SORCS1: variants seen among roughly 807,000 people sequenced by gnomAD.
SORCS1 encodes the protein sortilin related VPS10 domain containing receptor 1.
In SORCS1, 60 loss-of-function variants were observed where a neutral mutation model predicts 146.1. The ratio of observed to expected loss-of-function variants is 0.41; its 90% confidence interval spans 0.33 to 0.51. The LOEUF (loss-of-function observed/expected upper bound fraction) is 0.51. Among genes scored for constraint, SORCS1 ranks in the 20% least tolerant of loss-of-function variants. SORCS1 has a pLI of 0.21. For missense variants in SORCS1, 1,352 were observed against 1,487.6 expected (o/e 0.91, Z 1.50); for synonymous variants, 637 against 584.0 (o/e 1.09, Z -1.31).
chr10:106,748,305 T>C (rs559392323), intron 5 of SORCS1, among the ~76,000 whole-genome samples: 27 of 152,334 alleles, frequency 1.8e-4, no homozygotes, highest in African/African-American at 6.3e-4. Flanking sequence ...AACTTTTTCA[T>C]GATTATAACA....
intron 3 of SORCS1, among the ~76,000 whole-genome samples, chr10:106,784,482 T>G (rs1408255794): frequency 1.3e-5 from 2 of 152,108 alleles, no homozygotes; most frequent in Admixed American, 6.5e-5. Context: ...GCAGTCACTA[T>G]GAGAACTAAT....
intron 3 of SORCS1, among the ~76,000 whole-genome samples, chr10:106,820,718 T>C (rs1017379053): frequency 6.6e-6 from 1 of 152,206 alleles, no homozygotes; most frequent in African/African-American, 2.4e-5. Flanking sequence ...TTCATCTCCA[T>C]CCATCTTATA....
chr10:106,904,091 G>A, intron 2 of SORCS1, among the ~76,000 whole-genome samples: 1 of 152,202 alleles, frequency 6.6e-6, no homozygotes, highest in East Asian at 1.9e-4. Context: ...AGTTGCTACT[G>A]AAATCATAGA....
intron 1 of SORCS1, among the ~76,000 whole-genome samples, chr10:106,989,795 T>C (rs1241915002): frequency 6.8e-6 from 1 of 148,108 alleles, no homozygotes; most frequent in African/African-American, 2.5e-5. Context: ...CATGCCATTC[T>C]CCCACCTCAG....
chr10:106,744,082 T>G (rs1857547811), intron 5 of SORCS1, among the ~76,000 whole-genome samples: 1 of 152,144 alleles, frequency 6.6e-6, no homozygotes, highest in Non-Finnish European at 1.5e-5. Context: ...ATTGGTAATA[T>G]CTATCGTTTT....
intron 1 of SORCS1, among the ~76,000 whole-genome samples, chr10:107,065,415 T>TTTTCTTTCTTTCTTTCTTTCTTTC (rs151043663): frequency 0.039 from 4,651 of 120,120 alleles, 223 homozygotes; most frequent in South Asian, 0.044. Context: ...TCTCTCTTTC[T>TTTTCTTTCTTTCTTTCTTTCTTTC]TTTCTTTCTT....
chr10:106,898,030 G>T (rs1402905772), intron 2 of SORCS1, among the ~76,000 whole-genome samples: 1 of 152,214 alleles, frequency 6.6e-6, no homozygotes, highest in Admixed American at 6.5e-5. Context: ...AGTGAAAACA[G>T]CCAGAGTGGA....
intron 24 of SORCS1, among the ~76,000 whole-genome samples, chr10:106,596,548 CCTT>C (rs778435649): frequency 6.6e-5 from 10 of 152,146 alleles, no homozygotes; most frequent in Non-Finnish European, 1.3e-4. Context: ...CTCACCACCA[CCTT>C]CTCAGTTGAA....
chr10:106,871,636 C>G (rs983177895), intron 2 of SORCS1, among the ~76,000 whole-genome samples: 3 of 152,130 alleles, frequency 2.0e-5, no homozygotes, highest in Non-Finnish European at 4.4e-5. Flanking sequence ...GAAACTAACA[C>G]AAGAACAGAA....
chr10:106,843,495 G>A (rs566607559), intron 2 of SORCS1, among the ~76,000 whole-genome samples: 92 of 147,088 alleles, frequency 6.3e-4, no homozygotes, highest in African/African-American at 2.1e-3. Context: ...GCAGTGGCGC[G>A]ATCTCGGCTC....
intron 4 of SORCS1, among the ~76,000 whole-genome samples, chr10:106,769,439 C>G (rs1021874208): frequency 6.9e-6 from 1 of 145,976 alleles, no homozygotes; most frequent in Admixed American, 6.9e-5. Flanking sequence ...GAGCTGAGAT[C>G]GCGCCATTGC....
intron 2 of SORCS1, among the ~76,000 whole-genome samples, chr10:106,888,386 C>T (rs1257536640): frequency 6.6e-6 from 1 of 151,944 alleles, no homozygotes; most frequent in Non-Finnish European, 1.5e-5. Flanking sequence ...ATGATAGAAA[C>T]AGCACTGGAA....
chr10:106,993,804 T>C (rs1291852119), intron 1 of SORCS1, among the ~76,000 whole-genome samples: 1 of 152,088 alleles, frequency 6.6e-6, no homozygotes, highest in Non-Finnish European at 1.5e-5. Context: ...CCAGGTGCCG[T>C]AGTTCATGCC....
intron 2 of SORCS1, among the ~76,000 whole-genome samples, chr10:106,940,095 C>A (rs368659452): frequency 6.6e-6 from 1 of 152,184 alleles, no homozygotes; most frequent in African/African-American, 2.4e-5. Flanking sequence ...CCAGCACTCA[C>A]GAAAGCATCA....
At chr10:106,787,049 G>C (rs1465282835) in intron 3 of SORCS1, among the ~76,000 whole-genome samples, 1 of 152,168 alleles carries the variant, frequency 6.6e-6, no homozygotes, top group Admixed American at 6.5e-5. Flanking sequence ...AAATTACCCA[G>C]ATTAAATTAT....
At chr10:106,956,289 A>G (rs1008446136) in intron 2 of SORCS1, among the ~76,000 whole-genome samples, 3 of 152,216 alleles carry the variant, frequency 2.0e-5, no homozygotes, top group Admixed American at 6.5e-5. Context: ...CAGGTTAGCA[A>G]AAGAATCTGG....
At chr10:107,100,998 G>C (rs142581421) in intron 1 of SORCS1, among the ~76,000 whole-genome samples, 29 of 152,286 alleles carry the variant, frequency 1.9e-4, no homozygotes, top group African/African-American at 5.1e-4. Flanking sequence ...GGACTCAAGA[G>C]ATCCTCCCTC....
intron 2 of SORCS1, among the ~76,000 whole-genome samples, chr10:106,933,605 AATG>A: frequency 6.6e-6 from 1 of 152,256 alleles, no homozygotes; most frequent in Non-Finnish European, 1.5e-5. Context: ...AGTGAAACAC[AATG>A]ATATCTGAAC....
chr10:106,896,707 C>T lies in SORCS1; in HGVS notation c.626+59806G>A, dbSNP rs545809093. Among the ~76,000 whole-genome samples the T allele has an allele frequency of 6.6e-5, 10 of 151,428 alleles. No individual in the cohort carries two copies. In the South Asian group the frequency reaches 2.1e-3, roughly 32 times the overall value. On this transcript the variant is annotated intron_variant, in intron 2 of 25. Coordinates refer to ENST00000263054, the MANE Select transcript of SORCS1 (RefSeq NM_052918.5). Reference sequence around the variant, plus strand: ...AATGAACTTTGACACACTAGATCCACTCTCCCTGGAAACTTTCCCCAACTA... The same window carrying T: ...AATGAACTTTGACACACTAGATCCATTCTCCCTGGAAACTTTCCCCAACTA...
Sources: gnomAD v4.1 joint callset for allele counts (sites outside exome capture counted in the v4.1 genomes callset) on GRCh38, gnomAD v4.1.1 for gene constraint, MANE v1.5 for transcripts, NCBI Gene and HGNC (gene_info 2026-07-23, HGNC 2026-07-21) for gene names.